RNF111: variants seen among roughly 807,000 people sequenced by gnomAD.
RNF111 encodes E3 ubiquitin-protein ligase Arkadia.
RNF111 carries 17 observed loss-of-function variants against 95.1 expected under a neutral mutation model. The ratio of observed to expected loss-of-function variants is 0.18; its 90% CI spans 0.12 to 0.27. The LOEUF is 0.27. Ranked by LOEUF, RNF111 falls within the 10% of genes least tolerant of loss-of-function variation. The pLI, the probability that RNF111 is intolerant of heterozygous loss-of-function variation, is 1.00. For missense variants in RNF111, 1,189 were observed against 1,210.4 expected (o/e 0.98, Z 0.26); for synonymous variants, 440 against 414.8 (o/e 1.06, Z -0.74).
intron 1 of RNF111, among the ~76,000 whole-genome samples, chr15:59,016,180 T>C (rs1170739374): frequency 6.6e-6 from 1 of 150,772 alleles, no homozygotes; most frequent in African/African-American, 2.4e-5. Context: ...ATATAGTTTT[T>C]TTTTTTTAGA....
At chr15:58,996,631 A>G (rs1299619399) in intron 1 of RNF111, among the ~76,000 whole-genome samples, 2 of 139,676 alleles carry the variant, frequency 1.4e-5, no homozygotes, top group Non-Finnish European at 3.0e-5. Context: ...TATGTGATTG[A>G]AAACTCATCA....
At chr15:59,052,695 A>G (rs1223364898) in intron 3 of RNF111, among the ~76,000 whole-genome samples, 2 of 150,914 alleles carry the variant, frequency 1.3e-5, no homozygotes, top group Non-Finnish European at 2.9e-5. Flanking sequence ...CTGTAGGCAC[A>G]TGTCACTAAG....
intron 2 of RNF111, among the ~76,000 whole-genome samples, chr15:59,042,281 C>G (rs928795241): frequency 4.6e-5 from 7 of 152,006 alleles, no homozygotes. Flanking sequence ...TGCACACCCC[C>G]ACGCCTGGCT....
rs1462907165 is a variant in RNF111 at position 59,078,447 on chromosome 15, A to G, written c.1948+2232A>G. On this transcript the variant is annotated intron_variant, in intron 7 of 13. Coordinates refer to ENST00000348370, the MANE Select transcript of RNF111 (RefSeq NM_017610.8). ...TTCCTGCTCTTCAGGAGGCTGAGGC[A>G]TGGGGATTGCTTGAGCTCAGGAGTT... Among the ~76,000 whole-genome samples, 8 of 151,448 alleles carry G rather than the reference A, an allele frequency of 5.3e-5. No homozygotes were observed. The Middle Eastern group carries it at 0.01, about 193-fold the overall frequency.
intron 1 of RNF111, among the ~76,000 whole-genome samples, chr15:58,990,662 C>T (rs1376917010): frequency 2.4e-4 from 36 of 152,152 alleles, no homozygotes; most frequent in Non-Finnish European, 1.5e-5. Context: ...TCAAAACAAA[C>T]AAACAAAAAA....
At chr15:59,017,713 G>A (rs1008384377) in intron 1 of RNF111, among the ~76,000 whole-genome samples, 13 of 150,502 alleles carry the variant, frequency 8.6e-5, no homozygotes, top group African/African-American at 2.7e-4. Context: ...AAAGGTCCTG[G>A]AGGTTTGTCT....
At chr15:59,060,804 A>ATTTTTT (rs201040277) in intron 5 of RNF111, among the ~76,000 whole-genome samples, 1 of 147,152 alleles carries the variant, frequency 6.8e-6, no homozygotes, top group Admixed American at 7.0e-5. Flanking sequence ...TATTATTATT[A>ATTTTTT]TTATTTTTTT....
intron 6 of RNF111, among the ~76,000 whole-genome samples, chr15:59,075,210 C>T (rs1393895095): frequency 1.3e-5 from 2 of 152,178 alleles, no homozygotes; most frequent in Non-Finnish European, 2.9e-5. Context: ...CTCTGATAGA[C>T]TTGCTTGACA....
intron 5 of RNF111, 29 bp downstream of exon 5, chr15:59,058,579 T>A (rs759810930): frequency 1.9e-6 from 3 of 1,581,504 alleles, no homozygotes; most frequent in East Asian, 2.2e-5. Context: ...GAGGGGAGAC[T>A]TTTTGTCATT....
intron 1 of RNF111, among the ~76,000 whole-genome samples, chr15:58,997,280 C>T (rs1314130843): frequency 6.6e-6 from 1 of 152,052 alleles, no homozygotes; most frequent in Non-Finnish European, 1.5e-5. Flanking sequence ...AGAGTGTGGT[C>T]TGTTGACTCT....
At chr15:59,013,019 G>A (rs189758713) in intron 1 of RNF111, among the ~76,000 whole-genome samples, 6 of 152,286 alleles carry the variant, frequency 3.9e-5, no homozygotes, top group Admixed American at 1.3e-4. Flanking sequence ...GATTATAGGC[G>A]TGAGCCACCG....
intron 1 of RNF111, among the ~76,000 whole-genome samples, chr15:59,002,773 C>T (rs1273395402): frequency 6.6e-6 from 1 of 152,154 alleles, no homozygotes; most frequent in African/African-American, 2.4e-5. Context: ...GTGCCATTTC[C>T]CTTTCCTTCC....
At chr15:59,027,533 C>CT (rs201452276) in intron 1 of RNF111, among the ~76,000 whole-genome samples, 4,834 of 144,460 alleles carry the variant, frequency 0.033, 137 homozygotes, top group African/African-American at 0.08. Context: ...ACCTTTTTTT[C>CT]TTTTTTTTTT....
chr15:59,012,717 C>A (rs939818097), intron 1 of RNF111, among the ~76,000 whole-genome samples: 2 of 150,984 alleles, frequency 1.3e-5, no homozygotes, highest in Admixed American at 6.6e-5. Context: ...CCTTTCTTTT[C>A]TCATGGTGGT....
At chr15:59,049,747 T>TTC (rs1458638600) in intron 2 of RNF111, 4 of 140,336 alleles carry the variant, frequency 2.9e-5, no homozygotes, top group South Asian at 2.2e-4. Flanking sequence ...CTTTCTTTCT[T>TTC]TTTTTTTTTT....
rs1244055786 is a variant in RNF111, at chr15:59,051,795, A to G, written c.881-510A>G. On this transcript the variant is annotated intron_variant, in intron 2 of 13. Coordinates refer to ENST00000348370, the MANE Select transcript of RNF111 (RefSeq NM_017610.8). ...TCAATAAATAAATAAATAAATAAATAAATAAATAAATGAATAAATAAACAA... is the reference window on the plus strand; with the variant it reads ...TCAATAAATAAATAAATAAATAAATGAATAAATAAATGAATAAATAAACAA... 4.0e-5 allele frequency among the ~76,000 whole-genome samples: 6 copies of G among 151,792 alleles called. No homozygotes were observed. The South Asian group carries it at 6.2e-4, about 16-fold the overall frequency.
rs868763382 is a variant in RNF111, at chr15:59,066,909, C to T, written c.1512C>T (p.Cys504=). The T allele has an allele frequency of 9.9e-6, 16 of 1,613,942 alleles. No homozygotes were observed. In the Middle Eastern group the frequency reaches 2.0e-3, roughly 199 times the overall value. ...CATTAGGACATCCTCATACAAGTTG[C>T]TTTCAGCAGCATGGTCACCATTTTC... is the stretch of plus-strand genomic sequence containing the variant. ...HHALGHPHTS[C]FQQHGHHFQH... is the part of the protein sequence containing the mutation. The change falls in exon 6 of 14, where the codon TGC becomes TGT. Residue 504 remains cysteine, a synonymous_variant. Transcript: ENST00000348370.
intron 2 of RNF111, among the ~76,000 whole-genome samples, chr15:59,051,457 CA>C (rs756009553): frequency 7.8e-4 from 75 of 96,338 alleles, no homozygotes; most frequent in African/African-American, 1.3e-3. Context: ...GACTCTGTCT[CA>C]AAAAAAAAAA....
intron 1 of RNF111, among the ~76,000 whole-genome samples, chr15:59,016,990 C>G (rs1444007600): frequency 6.6e-6 from 1 of 151,900 alleles, no homozygotes; most frequent in East Asian, 1.9e-4. Flanking sequence ...TCTCCCATCA[C>G]CCCCAGTTGG....
Sources: allele counts gnomAD v4.1 joint callset (sites outside exome capture counted in the v4.1 genomes callset), GRCh38; gene constraint gnomAD v4.1.1; transcripts MANE v1.5; gene names NCBI Gene and HGNC (gene_info 2026-07-23, HGNC 2026-07-21).